NCK2: variants seen among roughly 807,000 people sequenced by gnomAD.
NCK2 encodes the protein cytoplasmic protein NCK2.
Under a neutral mutation model 33.9 loss-of-function variants are expected in NCK2, and 16 were observed. The ratio of observed to expected loss-of-function variants is 0.47; its 90% confidence interval spans 0.32 to 0.72. The LOEUF (loss-of-function observed/expected upper bound fraction) is 0.72, where lower values mean the gene tolerates loss of function less well. Ranked by LOEUF, NCK2 falls within the 30% of genes least tolerant of loss-of-function variation. NCK2 has a pLI of 0.03. For synonymous variants in NCK2, 273 were observed against 239.9 expected (o/e 1.14, Z -1.27); for missense variants, 418 against 537.3 (o/e 0.78, Z 2.19).
At chr2:105,816,904 C>T (rs907734518) in intron 2 of NCK2, among the ~76,000 whole-genome samples, 4 of 152,152 alleles carry the variant, frequency 2.6e-5, no homozygotes, top group African/African-American at 9.7e-5. Context: ...ATAACGAATC[C>T]TGGTCCCTGT....
chr2:105,836,492 C>T (rs74513754), intron 2 of NCK2, among the ~76,000 whole-genome samples: 11,235 of 152,152 alleles, frequency 0.074, 442 homozygotes, highest in South Asian at 0.14. Flanking sequence ...GGTTTTCAGG[C>T]CTCCAGGCTG....
chr2:105,888,117 G>A (rs1247482707), intron 4 of NCK2, among the ~76,000 whole-genome samples: 1 of 152,126 alleles, frequency 6.6e-6, no homozygotes, highest in African/African-American at 2.4e-5. Flanking sequence ...AAATAATGAT[G>A]ATAGAGGCCC....
At chr2:105,853,363 C>T (rs979203262) in intron 2 of NCK2, among the ~76,000 whole-genome samples, 13 of 152,090 alleles carry the variant, frequency 8.5e-5, no homozygotes, top group East Asian at 3.9e-4. Context: ...ATATAATACA[C>T]GCATCTATTT....
intron 3 of NCK2, among the ~76,000 whole-genome samples, chr2:105,864,121 C>T (rs1014804900): frequency 3.3e-5 from 5 of 151,844 alleles, no homozygotes; most frequent in East Asian, 1.9e-4. Context: ...CATGCCACAC[C>T]GTAAAGGCCC....
intron 2 of NCK2, among the ~76,000 whole-genome samples, chr2:105,829,537 G>T (rs1676083737): frequency 6.6e-6 from 1 of 152,064 alleles, no homozygotes; most frequent in Non-Finnish European, 1.5e-5. Flanking sequence ...GCTCTTCTTG[G>T]CTGTGACAGT....
At chr2:105,781,824 A>G (rs925853533) in intron 1 of NCK2, among the ~76,000 whole-genome samples, 6 of 152,208 alleles carry the variant, frequency 3.9e-5, no homozygotes, top group Non-Finnish European at 1.5e-5. Context: ...AGTCTGTGAT[A>G]AGGACTCTGG....
chr2:105,755,212 T>C (rs887817679), intron 1 of NCK2, among the ~76,000 whole-genome samples: 1 of 152,222 alleles, frequency 6.6e-6, no homozygotes, highest in Non-Finnish European at 1.5e-5. Context: ...ACTAGGTCTA[T>C]TTTACATGGT....
chr2:105,830,066 T>G (rs2104518915), intron 2 of NCK2, among the ~76,000 whole-genome samples: 1 of 152,318 alleles, frequency 6.6e-6, no homozygotes, highest in South Asian at 2.1e-4. Flanking sequence ...ATTAGCATAT[T>G]CATTCCCTCA....
chr2:105,767,757 G>T (rs1469570434), intron 1 of NCK2, among the ~76,000 whole-genome samples: 1 of 152,198 alleles, frequency 6.6e-6, no homozygotes, highest in African/African-American at 2.4e-5. Flanking sequence ...TTGGCGCGAG[G>T]TTTGAGGTTT....
chr2:105,877,006 C>T (rs771033492), intron 3 of NCK2, among the ~76,000 whole-genome samples: 9 of 152,158 alleles, frequency 5.9e-5, no homozygotes, highest in Non-Finnish European at 1.0e-4. Context: ...GATGTCCCGG[C>T]TGCCACCTGG....
chr2:105,796,783 C>T (rs770078323), intron 1 of NCK2, among the ~76,000 whole-genome samples: 4 of 151,982 alleles, frequency 2.6e-5, no homozygotes, highest in Non-Finnish European at 5.9e-5. Flanking sequence ...TTCTCTTTGA[C>T]GCAGGTAAAT....
chr2:105,870,994 T>C (rs1677975446), intron 3 of NCK2, among the ~76,000 whole-genome samples: 1 of 151,932 alleles, frequency 6.6e-6, no homozygotes, highest in Non-Finnish European at 1.5e-5. Context: ...TGTTGTGTGC[T>C]TGGGAGGTCT....
rs1306071481 is a variant in NCK2 at position 105,794,691 on chromosome 2, ATTATTTTAT to A, written c.-200-21732_-200-21724del. ...TGGACTTTAAAAAAGTTAATAGTTTATTATTTTATTTATTTATTTATTTATTTATTTATT... is the reference window on the plus strand; with the variant it reads ...TGGACTTTAAAAAAGTTAATAGTTTATTATTTATTTATTTATTTATTTATT... On this transcript the variant is annotated intron_variant, in intron 1 of 4. Transcript: ENST00000233154. Among the ~76,000 whole-genome samples the A allele has an allele frequency of 3.4e-5, 4 of 119,076 alleles. No homozygotes were observed. The East Asian group carries it at 7.7e-4, about 23-fold the overall frequency. 78.1% of individuals were successfully genotyped at this position (119,076 alleles called of 152,430 possible). A position where few individuals can be genotyped will look rare whatever the true frequency, so the allele number is the denominator to read the frequency against.
At chr2:105,753,076 C>A (rs72823391) in intron 1 of NCK2, among the ~76,000 whole-genome samples, 18,635 of 152,292 alleles carry the variant, frequency 0.12, 1,439 homozygotes, top group Admixed American at 0.24. Flanking sequence ...AGACTCTGAC[C>A]AAGCTAGCCA....
chr2:105,815,016 A>G (rs562980492), intron 1 of NCK2, among the ~76,000 whole-genome samples: 64 of 152,344 alleles, frequency 4.2e-4, no homozygotes, highest in Admixed American at 2.7e-3. Flanking sequence ...GCTGATGTTC[A>G]GTGGTGTCAG....
intron 1 of NCK2, among the ~76,000 whole-genome samples, chr2:105,799,266 G>C (rs1181038957): frequency 1.0e-5 from 1 of 100,356 alleles, no homozygotes; most frequent in Non-Finnish European, 2.7e-5. Context: ...TTGAGTCCTA[G>C]GTTTAAAAAA....
intron 1 of NCK2, among the ~76,000 whole-genome samples, chr2:105,780,624 GT>G (rs1226703466): frequency 6.6e-6 from 1 of 152,218 alleles, no homozygotes. Context: ...CACTGATGTG[GT>G]CTGAATGTGT....
chr2:105,759,773 G>A (rs896400909), intron 1 of NCK2, among the ~76,000 whole-genome samples: 1 of 152,118 alleles, frequency 6.6e-6, no homozygotes, highest in South Asian at 2.1e-4. Context: ...TCTTAGACTC[G>A]CCTTGTTTTT....
At chr2:105,825,915 TC>T (rs766509319) in intron 2 of NCK2, among the ~76,000 whole-genome samples, 1 of 152,170 alleles carries the variant, frequency 6.6e-6, no homozygotes, top group Non-Finnish European at 1.5e-5. Flanking sequence ...GGTTTGGAGT[TC>T]CTGGCTCCAT....
Sources: gnomAD v4.1 joint callset for allele counts (sites outside exome capture counted in the v4.1 genomes callset) on GRCh38, gnomAD v4.1.1 for gene constraint, MANE v1.5 for transcripts, NCBI Gene and HGNC (gene_info 2026-07-23, HGNC 2026-07-21) for gene names.